DPP6: variants seen among roughly 807,000 people sequenced by gnomAD.
DPP6 encodes the protein dipeptidyl peptidase like 6.
A neutral mutation model predicts 122.6 loss-of-function variants in DPP6; 69 were observed. That is an observed-to-expected ratio of 0.56 (90% CI 0.46 to 0.69). The LOEUF is 0.69. Among genes scored for constraint, DPP6 ranks in the 30% least tolerant of loss-of-function variants. The probability of loss-of-function intolerance (pLI) is 0.00; values close to 1 mark genes in which losing one functional copy is unlikely to be tolerated. For missense variants in DPP6, 928 were observed against 1,116.9 expected, an observed-to-expected ratio of 0.83 and a Z score of 2.41; for synonymous variants, 418 against 433.1, an observed-to-expected ratio of 0.97 and a Z score of 0.43.
At chr7:154,274,048 A>G (rs979667273) in intron 1 of DPP6, among the ~76,000 whole-genome samples, 4 of 152,172 alleles carry the variant, frequency 2.6e-5, no homozygotes, top group Non-Finnish European at 5.9e-5. Context: ...CCATATGGGA[A>G]CTGTGAGCCC....
chr7:154,599,852 C>T (rs1833330200), intron 5 of DPP6, among the ~76,000 whole-genome samples: 1 of 152,124 alleles, frequency 6.6e-6, no homozygotes, highest in African/African-American at 2.4e-5. Flanking sequence ...TGACCCCACT[C>T]CTTCCTTTCA....
intron 1 of DPP6, among the ~76,000 whole-genome samples, chr7:154,419,322 A>G (rs1454618532): frequency 6.6e-6 from 1 of 152,240 alleles, no homozygotes; most frequent in Non-Finnish European, 1.5e-5. Context: ...CATTTTAGAC[A>G]TGATGGGTAT....
intron 1 of DPP6, among the ~76,000 whole-genome samples, chr7:154,313,712 T>TATATATATATATATATATCC (rs1554515587): frequency 4.0e-5 from 1 of 24,914 alleles, no homozygotes. Context: ...TATATATATA[T>TATATATATATATATATATCC]ATACACACAC....
At chr7:153,803,065 AC>A in the DPP6 span, among the ~76,000 whole-genome samples, 1 of 151,580 alleles carries the variant, frequency 6.6e-6, no homozygotes, top group East Asian at 2.0e-4. Context: ...TGCAGAGTAG[AC>A]CTGGCCCAAC....
chr7:154,060,637 A>AG (rs1801658363), intron 1 of DPP6, among the ~76,000 whole-genome samples: 1 of 124,990 alleles, frequency 8.0e-6, no homozygotes, highest in African/African-American at 3.1e-5. Flanking sequence ...CCATCGCAGG[A>AG]GGGGGAGGCA....
intron 1 of DPP6, among the ~76,000 whole-genome samples, chr7:153,972,541 G>A (rs1301865868): frequency 6.7e-6 from 1 of 149,026 alleles, no homozygotes; most frequent in Non-Finnish European, 1.5e-5. Context: ...TAGGCAGCAT[G>A]CTCTAGTACT....
At chr7:153,762,760 A>G in the DPP6 span, among the ~76,000 whole-genome samples, 1 of 152,158 alleles carries the variant, frequency 6.6e-6, no homozygotes, top group Non-Finnish European at 1.5e-5. Flanking sequence ...AGCTTGGGCA[A>G]CAGGAGCGAA....
At chr7:153,953,192 T>A (rs1021402590) in intron 1 of DPP6, among the ~76,000 whole-genome samples, 1 of 152,222 alleles carries the variant, frequency 6.6e-6, no homozygotes, top group African/African-American at 2.4e-5. Flanking sequence ...AACACTTTTT[T>A]AAAATCTTCC....
chr7:153,834,524 A>G, the DPP6 span, among the ~76,000 whole-genome samples: 1 of 152,128 alleles, frequency 6.6e-6, no homozygotes, highest in Non-Finnish European at 1.5e-5. Context: ...TAAATTGTAC[A>G]ATAAAATGAA....
At chr7:154,616,086 C>T (rs144308824) in intron 5 of DPP6, among the ~76,000 whole-genome samples, 1 of 152,292 alleles carries the variant, frequency 6.6e-6, no homozygotes, top group African/African-American at 2.4e-5. Context: ...GCCAGCTCAG[C>T]TTCCTGGGAT....
intron 22 of DPP6, among the ~76,000 whole-genome samples, 173 bp downstream of exon 22, chr7:154,885,917 G>A (rs531800791): frequency 6.6e-6 from 1 of 152,180 alleles, no homozygotes; most frequent in Non-Finnish European, 1.5e-5. Context: ...GAGAGGGAAG[G>A]GTCTCAGGTA....
chr7:154,223,014 C>CAGT (rs577691760), intron 1 of DPP6, among the ~76,000 whole-genome samples: 1 of 149,040 alleles, frequency 6.7e-6, no homozygotes, highest in South Asian at 2.1e-4. Flanking sequence ...GAAAGCAACC[C>CAGT]AGTGAGGCTG....
the DPP6 span, among the ~76,000 whole-genome samples, chr7:153,755,620 T>A: frequency 1.8e-4 from 28 of 152,254 alleles, no homozygotes; most frequent in Non-Finnish European, 3.8e-4. Context: ...CCATAGACCT[T>A]CCCCCTTCTG....
At chr7:154,084,999 A>AAC (rs1430374022) in intron 1 of DPP6, among the ~76,000 whole-genome samples, 6 of 151,656 alleles carry the variant, frequency 4.0e-5, no homozygotes, top group South Asian at 2.1e-4. Context: ...CAAAAAAAAA[A>AAC]AAAAAAAAAA....
intron 1 of DPP6, among the ~76,000 whole-genome samples, chr7:154,354,341 T>C (rs538038699): frequency 3.9e-5 from 6 of 152,326 alleles, no homozygotes; most frequent in Admixed American, 2.0e-4. Context: ...TATATGCATT[T>C]TACCATTTAA....
intron 1 of DPP6, among the ~76,000 whole-genome samples, chr7:154,225,639 T>G (rs540866822): frequency 6.6e-6 from 1 of 152,296 alleles, no homozygotes; most frequent in South Asian, 2.1e-4. Context: ...GTATATATCT[T>G]ATTAGTAATC....
intron 1 of DPP6, among the ~76,000 whole-genome samples, chr7:154,381,134 A>C (rs1248846099): frequency 6.6e-6 from 1 of 152,102 alleles, no homozygotes; most frequent in African/African-American, 2.4e-5. Flanking sequence ...TGGGCACCAG[A>C]TACAGACATT....
chr7:154,194,201 A>G lies in DPP6; in HGVS notation c.243+141138A>G, dbSNP rs568387342. Among the ~76,000 whole-genome samples the G allele has an allele frequency of 1.3e-3, 192 of 152,180 alleles. 1 individual carries two copies. Among genetic ancestry groups the G allele is most frequent in the African/African-American group, 4.4e-3 (183 of 41,528 alleles). ...TTGGTATAGCTTGAAAAAGCAACAC[A>G]CTTCCTATGGTAAGGGCAGCTTATG... On this transcript the variant is annotated intron_variant, in intron 1 of 25. Transcript: ENST00000377770.
intron 1 of DPP6, among the ~76,000 whole-genome samples, chr7:153,976,202 A>G (rs1796292152): frequency 6.6e-6 from 1 of 152,282 alleles, no homozygotes; most frequent in Admixed American, 6.5e-5. Flanking sequence ...ATTGAAAGAA[A>G]AAGAAGCCAG....
Sources: allele counts gnomAD v4.1 joint callset (sites outside exome capture counted in the v4.1 genomes callset), GRCh38; gene constraint gnomAD v4.1.1; transcripts MANE v1.5; gene names NCBI Gene and HGNC (gene_info 2026-07-23, HGNC 2026-07-21).